Variants in SSPN observed in about 807,000 individuals in gnomAD.
SSPN encodes K-ras oncogene-associated protein.
SSPN carries 15 observed loss-of-function variants against 19.1 expected under a neutral mutation model. The observed-to-expected ratio is 0.78, with a 90% CI of 0.52 to 1.21. SSPN has a LOEUF of 1.21. SSPN is among the 50% of genes most tolerant of loss of function. The probability of loss-of-function intolerance (pLI) is 0.00; values close to 1 mark genes in which losing one functional copy is unlikely to be tolerated. For missense variants in SSPN, 291 were observed against 314.0 expected (o/e 0.93, Z 0.55); for synonymous variants, 147 against 140.3 (o/e 1.05, Z -0.34).
At chr12:26,122,704 C>A (rs761341197) in intron 1 of SSPN, 1 of 1,579,512 alleles carries the variant, frequency 6.3e-7, no homozygotes, top group Admixed American at 1.7e-5. Context: ...GAGTCCTCCC[C>A]GGGAGGCTCC....
intron 1 of SSPN, chr12:26,123,950 G>C: frequency 3.7e-6 from 3 of 803,976 alleles, no homozygotes; most frequent in Non-Finnish European, 6.2e-6. Context: ...AACTCTGTAC[G>C]GTATAGCACA....
chr12:26,229,566 G>C (rs1361120394), intron 2 of SSPN, among the ~76,000 whole-genome samples: 3 of 152,218 alleles, frequency 2.0e-5, no homozygotes, highest in Non-Finnish European at 4.4e-5. Flanking sequence ...TATAAGGGAA[G>C]GTGGGGGAAG....
intron 1 of SSPN, among the ~76,000 whole-genome samples, chr12:26,157,338 C>A (rs905500364): frequency 3.3e-5 from 5 of 152,178 alleles, no homozygotes; most frequent in African/African-American, 1.2e-4. Flanking sequence ...TAATTCTATA[C>A]CATTAATAAA....
intron 1 of SSPN, chr12:26,123,818 C>G: frequency 6.3e-6 from 6 of 956,108 alleles, no homozygotes; most frequent in Non-Finnish European, 1.0e-5. Flanking sequence ...GTCCATTCAG[C>G]ACAGCAATTT....
At chr12:26,150,131 G>A (rs939159962) in intron 1 of SSPN, among the ~76,000 whole-genome samples, 2 of 152,154 alleles carry the variant, frequency 1.3e-5, no homozygotes, top group African/African-American at 4.8e-5. Flanking sequence ...ATTGTGTCAG[G>A]AAGTGCTCAA....
chr12:26,161,219 G>T (rs1006655514), intron 1 of SSPN, among the ~76,000 whole-genome samples: 2 of 151,066 alleles, frequency 1.3e-5, no homozygotes, highest in Non-Finnish European at 3.0e-5. Context: ...ATTGACTGAG[G>T]TCTACACAGC....
intron 1 of SSPN, among the ~76,000 whole-genome samples, chr12:26,141,579 G>T (rs1438946429): frequency 6.6e-6 from 1 of 152,086 alleles, no homozygotes; most frequent in African/African-American, 2.4e-5. Context: ...TCATCATTTG[G>T]ATTACCAGAA....
intron 1 of SSPN, among the ~76,000 whole-genome samples, chr12:26,172,501 T>C (rs1944659515): frequency 6.6e-6 from 1 of 152,228 alleles, no homozygotes; most frequent in Non-Finnish European, 1.5e-5. Context: ...GATGAGGATA[T>C]AACTCATTTG....
At chr12:26,160,402 T>C (rs959076544) in intron 1 of SSPN, among the ~76,000 whole-genome samples, 1 of 152,220 alleles carries the variant, frequency 6.6e-6, no homozygotes, top group Non-Finnish European at 1.5e-5. Context: ...TCTTTGCAGG[T>C]CAAAGTAATC....
chr12:26,145,902 A>G (rs1944487415), intron 1 of SSPN, among the ~76,000 whole-genome samples: 1 of 152,204 alleles, frequency 6.6e-6, no homozygotes, highest in Non-Finnish European at 1.5e-5. Flanking sequence ...TGGCTGGGTC[A>G]GGACTTTGTG....
intron 1 of SSPN, among the ~76,000 whole-genome samples, chr12:26,185,865 A>G (rs1393339138): frequency 2.0e-5 from 3 of 152,054 alleles, no homozygotes; most frequent in Admixed American, 6.5e-5. Context: ...GTCATCCTTT[A>G]TGACACTTCC....
chr12:26,197,431 G>A (rs959058678), intron 1 of SSPN, among the ~76,000 whole-genome samples: 1 of 152,142 alleles, frequency 6.6e-6, no homozygotes, highest in Non-Finnish European at 1.5e-5. Flanking sequence ...CCTCAATGAC[G>A]ATCCACATAC....
At chr12:26,131,716 A>G (rs1591842874) in intron 1 of SSPN, among the ~76,000 whole-genome samples, 2 of 152,194 alleles carry the variant, frequency 1.3e-5, no homozygotes, top group African/African-American at 4.8e-5. Context: ...AAGAGAATCT[A>G]TCTTTGGAGC....
intron 1 of SSPN, among the ~76,000 whole-genome samples, chr12:26,177,990 G>A (rs769986844): frequency 1.3e-5 from 2 of 152,176 alleles, no homozygotes; most frequent in Admixed American, 6.5e-5. Context: ...TAAGCTCACT[G>A]ACTGGCCTAT....
At chr12:26,168,523 T>C (rs1195161799) in intron 1 of SSPN, among the ~76,000 whole-genome samples, 1 of 152,228 alleles carries the variant, frequency 6.6e-6, no homozygotes, top group African/African-American at 2.4e-5. Context: ...CTCTCACTTC[T>C]GGATACAGTT....
intron 1 of SSPN, among the ~76,000 whole-genome samples, chr12:26,222,579 T>G (rs559233391): frequency 5.9e-5 from 9 of 152,372 alleles, no homozygotes; most frequent in Non-Finnish European, 1.3e-4. Flanking sequence ...TTTCAACTTC[T>G]GTCTCTAGGA....
At chr12:26,221,498 T>C (rs962768742) in intron 1 of SSPN, among the ~76,000 whole-genome samples, 12 of 152,226 alleles carry the variant, frequency 7.9e-5, no homozygotes, top group African/African-American at 2.9e-4. Flanking sequence ...ATGTCCTCCA[T>C]AAAATTCTGT....
intron 1 of SSPN, among the ~76,000 whole-genome samples, chr12:26,204,109 A>C (rs1437822732): frequency 6.6e-6 from 1 of 152,124 alleles, no homozygotes; most frequent in Non-Finnish European, 1.5e-5. Context: ...ATACATTTGC[A>C]CAGCAACCTC....
chr12:26,164,501 CTG>C (rs370660583), intron 1 of SSPN, among the ~76,000 whole-genome samples: 1 of 152,356 alleles, frequency 6.6e-6, no homozygotes, highest in Non-Finnish European at 1.5e-5. Flanking sequence ...GATCATGTCA[CTG>C]TATTCCAGCC....
Sources: gnomAD v4.1 joint callset for allele counts (sites outside exome capture counted in the v4.1 genomes callset) on GRCh38, gnomAD v4.1.1 for gene constraint, MANE v1.5 for transcripts, NCBI Gene and HGNC (gene_info 2026-07-23, HGNC 2026-07-21) for gene names.